GALNT13: variants seen among roughly 807,000 people sequenced by gnomAD.
GALNT13 encodes polypeptide N-acetylgalactosaminyltransferase 13, also known as UDP-GalNAc:polypeptide N-acetylgalactosaminyltransferase 13.
A neutral mutation model predicts 64.2 loss-of-function variants in GALNT13; 28 were observed. The observed-to-expected ratio is 0.44, with a 90% CI of 0.32 to 0.60. The LOEUF (loss-of-function observed/expected upper bound fraction) is 0.60, where lower values mean the gene tolerates loss of function less well. Ranked by LOEUF, GALNT13 falls within the 20% of genes least tolerant of loss-of-function variation. The pLI is 0.05. For missense variants in GALNT13, 577 were observed against 669.8 expected, an observed-to-expected ratio of 0.86 and a Z score of 1.53; for synonymous variants, 214 against 224.6, an observed-to-expected ratio of 0.95 and a Z score of 0.42.
At chr2:153,679,480 G>A in the GALNT13 span, among the ~76,000 whole-genome samples, 102,885 of 151,728 alleles carry the variant, frequency 0.68, 35,195 homozygotes, top group East Asian at 0.93. Flanking sequence ...CATAAACTCA[G>A]TCCATCTAAA....
chr2:153,623,657 A>T, the GALNT13 span, among the ~76,000 whole-genome samples: 1 of 152,026 alleles, frequency 6.6e-6, no homozygotes, highest in Non-Finnish European at 1.5e-5. Context: ...GACTATTGTG[A>T]AATATATATT....
At chr2:153,709,727 T>C in the GALNT13 span, among the ~76,000 whole-genome samples, 17 of 152,060 alleles carry the variant, frequency 1.1e-4, no homozygotes, top group Non-Finnish European at 1.8e-4. Flanking sequence ...ACAGCCATGT[T>C]ATAAAATCAA....
At chr2:153,361,441 G>T in the GALNT13 span, among the ~76,000 whole-genome samples, 5 of 151,942 alleles carry the variant, frequency 3.3e-5, no homozygotes, top group Non-Finnish European at 7.4e-5. Flanking sequence ...AAGGAGCATG[G>T]TCTAACCCAA....
rs183479918 is a variant in GALNT13, at chr2:154,327,333, G to C, written c.1156+25744G>C. Among the ~76,000 whole-genome samples, 434 of 152,136 alleles carry C rather than the reference G, an allele frequency of 2.9e-3. 2 individuals are homozygous for C. The highest frequency in any genetic ancestry group is 0.017 in the Middle Eastern group (5 of 294). On this transcript the variant is annotated intron_variant, in intron 9 of 12. Coordinates refer to ENST00000392825, the MANE Select transcript of GALNT13 (RefSeq NM_052917.4). ...CTCCTTTGCAAATACCCAGTCTCAG[G>C]TAGTTATTTATAGTAGTATGGAAAC... is the stretch of plus-strand genomic sequence containing the variant.
At chr2:154,025,177 A>T (rs978427667) in intron 3 of GALNT13, among the ~76,000 whole-genome samples, 4 of 152,128 alleles carry the variant, frequency 2.6e-5, no homozygotes, top group African/African-American at 9.7e-5. Flanking sequence ...CCATTCTCAG[A>T]TCTCAAGCTG....
the GALNT13 span, among the ~76,000 whole-genome samples, chr2:153,429,876 G>T: frequency 6.6e-6 from 1 of 151,950 alleles, no homozygotes; most frequent in East Asian, 1.9e-4. Flanking sequence ...AATATAAAAA[G>T]GGCAGTAAGC....
the GALNT13 span, among the ~76,000 whole-genome samples, chr2:153,713,714 C>T: frequency 2.0e-5 from 3 of 152,330 alleles, no homozygotes; most frequent in South Asian, 2.1e-4. Flanking sequence ...GAACTCCTGA[C>T]CTCAAGTGAT....
At chr2:154,015,771 C>A (rs1696962059) in intron 3 of GALNT13, among the ~76,000 whole-genome samples, 1 of 152,032 alleles carries the variant, frequency 6.6e-6, no homozygotes, top group South Asian at 2.1e-4. Flanking sequence ...AGTTTTCACC[C>A]CCAATATTTA....
chr2:154,046,163 A>G (rs527795396), intron 3 of GALNT13, among the ~76,000 whole-genome samples: 1 of 152,202 alleles, frequency 6.6e-6, no homozygotes, highest in Non-Finnish European at 1.5e-5. Context: ...AAAAAATAAA[A>G]ATAAAAAAAG....
the GALNT13 span, among the ~76,000 whole-genome samples, chr2:153,681,329 T>A: frequency 6.6e-6 from 1 of 151,836 alleles, no homozygotes; most frequent in African/African-American, 2.4e-5. Flanking sequence ...ATAATATTAA[T>A]CTCAAAGATA....
intron 4 of GALNT13, among the ~76,000 whole-genome samples, chr2:154,220,703 A>G (rs1322496906): frequency 1.3e-5 from 2 of 152,090 alleles, no homozygotes; most frequent in Admixed American, 6.6e-5. Context: ...AAGTTGTCAT[A>G]AAAGTAGTCA....
intron 11 of GALNT13, chr2:154,437,387 T>G (rs1466958580): frequency 2.5e-6 from 1 of 395,518 alleles, no homozygotes; most frequent in African/African-American, 2.2e-5. Flanking sequence ...ATGTTATTTG[T>G]AAAGCTGACT....
chr2:154,061,744 A>AT (rs1236011337), intron 3 of GALNT13, among the ~76,000 whole-genome samples: 5 of 65,178 alleles, frequency 7.7e-5, no homozygotes, highest in Non-Finnish European at 1.7e-4. Context: ...TTCAACATGG[A>AT]ATTTTTTTAT....
chr2:153,470,921 G>A, the GALNT13 span, among the ~76,000 whole-genome samples: 1 of 152,134 alleles, frequency 6.6e-6, no homozygotes, highest in East Asian at 1.9e-4. Flanking sequence ...TTCCTGAGCT[G>A]AATTTGTAGA....
chr2:153,893,148 ATG>A (rs1687662770), intron 1 of GALNT13, among the ~76,000 whole-genome samples: 1 of 152,088 alleles, frequency 6.6e-6, no homozygotes, highest in African/African-American at 2.4e-5. Flanking sequence ...AAGAGCATAA[ATG>A]TGCCAATAGC....
Position 154,045,423 on chromosome 2 carries a change from C to CATGATTTACATGTATTACATGATT in GALNT13, c.143-94913_143-94912insTGATTTACATGTATTACATGATTA, listed in dbSNP as rs1451959205. ...AATAATTGTATTCATGATTTACTGACACGAAATGCTCTTTATTGCCTGTAT... is the reference window on the plus strand; with the variant it reads ...AATAATTGTATTCATGATTTACTGACATGATTTACATGTATTACATGATTACGAAATGCTCTTTATTGCCTGTAT... On this transcript the variant is annotated intron_variant, in intron 3 of 12. Transcript: ENST00000392825. Among the ~76,000 whole-genome samples the CATGATTTACATGTATTACATGATT allele has an allele frequency of 3.9e-5, 6 of 152,180 alleles. No homozygotes were observed. The East Asian group carries it at 1.2e-3, about 29-fold the overall frequency.
At chr2:153,101,405 A>G in the GALNT13 span, among the ~76,000 whole-genome samples, 1 of 152,138 alleles carries the variant, frequency 6.6e-6, no homozygotes, top group Non-Finnish European at 1.5e-5. Context: ...GGAAACTTTC[A>G]AGGTTGACCA....
At chr2:153,156,943 A>G in the GALNT13 span, among the ~76,000 whole-genome samples, 1 of 152,174 alleles carries the variant, frequency 6.6e-6, no homozygotes, top group East Asian at 1.9e-4. Flanking sequence ...AGGACAAACT[A>G]TTCTTAGAGC....
At chr2:154,223,805 A>T (rs1688448814) in intron 4 of GALNT13, among the ~76,000 whole-genome samples, 1 of 152,062 alleles carries the variant, frequency 6.6e-6, no homozygotes, top group Non-Finnish European at 1.5e-5. Context: ...GAAATTAAAG[A>T]TAGCTATATT....
Sources: allele counts gnomAD v4.1 joint callset (sites outside exome capture counted in the v4.1 genomes callset), GRCh38; gene constraint gnomAD v4.1.1; transcripts MANE v1.5; gene names NCBI Gene and HGNC (gene_info 2026-07-23, HGNC 2026-07-21).